Variants in NCOR2 observed in about 807,000 individuals in gnomAD.
NCOR2 encodes the protein nuclear receptor corepressor 2.
NCOR2 carries 81 observed loss-of-function variants against 262.9 expected under a neutral mutation model. The ratio of observed to expected loss-of-function variants is 0.31; its 90% CI spans 0.26 to 0.37. The LOEUF (loss-of-function observed/expected upper bound fraction) is 0.37. Among genes scored for constraint, NCOR2 ranks in the 10% least tolerant of loss-of-function variants. The pLI is 1.00. For synonymous variants in NCOR2, 1,659 were observed against 1,559.3 expected (o/e 1.06, Z -1.51); for missense variants, 3,385 against 3,621.4 (o/e 0.93, Z 1.68).
At chr12:124,332,591 CT>C in intron 42 of NCOR2, 124 bp from the exon 45 acceptor site, 1 of 1,191,196 alleles carries the variant, frequency 8.4e-7, no homozygotes, top group Non-Finnish European at 1.2e-6. Context: ...GCCCCCACGC[CT>C]GCATCCCCTG....
chr12:124,333,535 CTGGCCCA>C (rs1441187236), intron 41 of NCOR2, among the ~76,000 whole-genome samples: 3 of 152,064 alleles, frequency 2.0e-5, no homozygotes, highest in African/African-American at 4.8e-5. Flanking sequence ...CGGGCTAGAT[CTGGCCCA>C]TGGGCCACAG....
chr12:124,452,600 G>A (rs546527942), intron 6 of NCOR2, among the ~76,000 whole-genome samples: 7 of 152,376 alleles, frequency 4.6e-5, no homozygotes, highest in Admixed American at 1.3e-4. Context: ...GCAAACAGCC[G>A]AAGGGGGCCA....
chr12:124,465,809 C>G (rs953397888), intron 5 of NCOR2, among the ~76,000 whole-genome samples: 1 of 152,208 alleles, frequency 6.6e-6, no homozygotes. Context: ...ATGTCATTAT[C>G]TTTTGCCTTA....
intron 1 of NCOR2, among the ~76,000 whole-genome samples, chr12:124,557,140 T>C (rs1483732448): frequency 6.6e-6 from 1 of 151,998 alleles, no homozygotes; most frequent in Non-Finnish European, 1.5e-5. Context: ...CTGCCCTGGG[T>C]TTTACAGGCC....
chr12:124,407,902 C>A (rs1020417794), intron 13 of NCOR2, among the ~76,000 whole-genome samples: 1 of 152,168 alleles, frequency 6.6e-6, no homozygotes, highest in African/African-American at 2.4e-5. Context: ...AAAGTGGGGC[C>A]AGGGGTCAGA....
At chr12:124,331,094 G>A (rs1362900561) in intron 43 of NCOR2, among the ~76,000 whole-genome samples, 196 bp from the exon 46 acceptor site, 4 of 146,206 alleles carry the variant, frequency 2.7e-5, no homozygotes, top group Non-Finnish European at 6.0e-5. Flanking sequence ...ATAGAGTCTC[G>A]CTCTGTTGCC....
intron 26 of NCOR2, 47 bp from the exon 29 acceptor site, chr12:124,354,243 C>A: frequency 6.6e-7 from 1 of 1,526,190 alleles, no homozygotes; most frequent in Non-Finnish European, 8.8e-7. Flanking sequence ...GTGGCCCTTC[C>A]TTCCCCAGGC....
At chr12:124,333,618 A>C (rs560440814) in intron 41 of NCOR2, among the ~76,000 whole-genome samples, 1 of 150,988 alleles carries the variant, frequency 6.6e-6, no homozygotes, top group African/African-American at 2.4e-5. Flanking sequence ...CCCCCCAAAG[A>C]TGTCCTGCTG....
intron 1 of NCOR2, among the ~76,000 whole-genome samples, chr12:124,560,278 T>G (rs1207963369): frequency 6.6e-6 from 1 of 152,246 alleles, no homozygotes; most frequent in East Asian, 1.9e-4. Flanking sequence ...TACTCAACTT[T>G]GCAAACGCTG....
exon 38 of NCOR2, chr12:124,336,889 G>A: frequency 6.2e-7 from 1 of 1,607,438 alleles, no homozygotes; most frequent in South Asian, 1.1e-5. Flanking sequence ...TCGCAGGGGT[G>A]CGGGCGATGG....
intron 44 of NCOR2, among the ~76,000 whole-genome samples, chr12:124,328,230 C>T (rs368279391): frequency 1.3e-5 from 2 of 152,096 alleles, no homozygotes; most frequent in African/African-American, 4.8e-5. Context: ...CCCGTACCTC[C>T]CCACCAAGCT....
chr12:124,520,375 C>T (rs1321408020), intron 1 of NCOR2, among the ~76,000 whole-genome samples: 1 of 152,178 alleles, frequency 6.6e-6, no homozygotes, highest in African/African-American at 2.4e-5. Flanking sequence ...CACCAGGAAG[C>T]GGTGCCTGAG....
rs112069780 is a variant in NCOR2 at position 124,416,269 on chromosome 12, A to T, written c.1482+3688T>A. 4.1e-3 allele frequency among the ~76,000 whole-genome samples: 621 copies of T among 152,314 alleles called. 6 individuals carry two copies. Among genetic ancestry groups the T allele is most frequent in the Non-Finnish European group, 6.6e-3 (447 of 68,018 alleles). On this transcript the variant is annotated intron_variant, in intron 13 of 46. Transcript: ENST00000405201. ...TTTACCCATCAAAAATGAGCAAAAG[A>T]AAGAGGGTCACATAATCTCCCTTTC...
intron 7 of NCOR2, among the ~76,000 whole-genome samples, chr12:124,439,366 C>CA (rs1565945710): frequency 1.1e-3 from 3 of 2,614 alleles, no homozygotes; most frequent in Admixed American, 5.0e-3. Flanking sequence ...GACAGAGACC[C>CA]GGAGACAGAG....
At chr12:124,414,077 G>T (rs954138415) in intron 13 of NCOR2, among the ~76,000 whole-genome samples, 3 of 152,188 alleles carry the variant, frequency 2.0e-5, no homozygotes, top group African/African-American at 7.2e-5. Flanking sequence ...CCCTCGCAGG[G>T]CTCCTGCACA....
At chr12:124,438,870 C>G (rs143329624) in intron 7 of NCOR2, among the ~76,000 whole-genome samples, 31 of 1,176 alleles carry the variant, frequency 0.026, no homozygotes, top group Non-Finnish European at 0.035. Context: ...GACCCAGAGA[C>G]AGAGGAAGAC....
At chr12:124,394,183 T>G (rs994519039) in intron 16 of NCOR2, among the ~76,000 whole-genome samples, 2 of 152,228 alleles carry the variant, frequency 1.3e-5, no homozygotes, top group African/African-American at 2.4e-5. Flanking sequence ...CATTTCTGAG[T>G]GCCTACTGTA....
intron 20 of NCOR2, among the ~76,000 whole-genome samples, chr12:124,365,867 CT>C (rs1366415309): frequency 1.3e-5 from 2 of 152,148 alleles, no homozygotes; most frequent in African/African-American, 4.8e-5. Flanking sequence ...ACAAGGTACC[CT>C]GACCCAGGTC....
intron 1 of NCOR2, among the ~76,000 whole-genome samples, chr12:124,547,640 C>G (rs947296367): frequency 6.6e-6 from 1 of 152,156 alleles, no homozygotes; most frequent in Admixed American, 6.5e-5. Context: ...AAAAGGAGAC[C>G]CCATCAACAT....
Sources: allele counts gnomAD v4.1 joint callset (sites outside exome capture counted in the v4.1 genomes callset), GRCh38; gene constraint gnomAD v4.1.1; transcripts MANE v1.5; gene names NCBI Gene and HGNC (gene_info 2026-07-23, HGNC 2026-07-21).